The following ITGA2 variants were observed in gnomAD, a reference collection of about 807,000 sequenced individuals.
ITGA2 encodes integrin subunit alpha 2.
A neutral mutation model predicts 146.3 loss-of-function variants in ITGA2; 101 were observed. The ratio of observed to expected loss-of-function variants is 0.69; its 90% CI spans 0.59 to 0.81. The LOEUF is 0.81. Ranked by LOEUF, ITGA2 falls within the 40% of genes least tolerant of loss-of-function variation. The pLI, the probability that ITGA2 is intolerant of heterozygous loss-of-function variation, is 0.00. For missense variants in ITGA2, 1,281 were observed against 1,402.7 expected (o/e 0.91, Z 1.39); for synonymous variants, 477 against 487.1 (o/e 0.98, Z 0.27).
chr5:53,037,877 GC>G (rs1743565047), intron 2 of ITGA2, among the ~76,000 whole-genome samples: 1 of 152,184 alleles, frequency 6.6e-6, no homozygotes, highest in African/African-American at 2.4e-5. Flanking sequence ...GTTTAAGATA[GC>G]ATAATACTGT....
At chr5:53,088,602 C>T (rs906769948) in intron 28 of ITGA2, among the ~76,000 whole-genome samples, 1 of 149,142 alleles carries the variant, frequency 6.7e-6, no homozygotes, top group African/African-American at 2.5e-5. Context: ...AGGAGAATCG[C>T]TTGAACCTGC....
chr5:53,009,866 C>T (rs896900260), intron 1 of ITGA2, among the ~76,000 whole-genome samples: 3 of 152,118 alleles, frequency 2.0e-5, no homozygotes, highest in African/African-American at 7.2e-5. Context: ...AAGGCTCTCA[C>T]CAGAACTTGA....
At chr5:53,037,186 G>T (rs983883395) in intron 2 of ITGA2, among the ~76,000 whole-genome samples, 2 of 152,206 alleles carry the variant, frequency 1.3e-5, no homozygotes, top group Non-Finnish European at 2.9e-5. Context: ...TAGGCAAATT[G>T]GCTGTGTTTT....
rs1745880445 is a variant in ITGA2 at position 53,080,684 on chromosome 5, G to C, written c.3039+63G>C. On this transcript the variant is annotated intron_variant, in intron 25 of 29. Coordinates refer to ENST00000296585, the MANE Select transcript of ITGA2 (RefSeq NM_002203.4). Reference sequence around the variant, plus strand: ...AAGATGTAAATAACCCATGAGATTAGGGTGATCATGTCTGACATTTTACAG... The same window carrying C: ...AAGATGTAAATAACCCATGAGATTACGGTGATCATGTCTGACATTTTACAG... The C allele has an allele frequency of 2.6e-6, 3 of 1,171,836 alleles. No individual in the cohort carries two copies. The African/African-American group carries it at 4.5e-5, about 18-fold the overall frequency. 72.6% of individuals were successfully genotyped at this position (1,171,836 alleles called of 1,614,324 possible). A position where few individuals can be genotyped will look rare whatever the true frequency, so the allele number is the denominator to read the frequency against.
intron 1 of ITGA2, among the ~76,000 whole-genome samples, chr5:53,015,246 T>A (rs977141098): frequency 2.0e-5 from 3 of 152,178 alleles, no homozygotes; most frequent in Non-Finnish European, 4.4e-5. Context: ...ACTATCAACT[T>A]TCCTCTTAAC....
intron 20 of ITGA2, among the ~76,000 whole-genome samples, chr5:53,074,099 G>A (rs930062499): frequency 4.0e-5 from 6 of 151,788 alleles, no homozygotes; most frequent in Non-Finnish European, 4.4e-5. Context: ...AAAGCTATTC[G>A]TGCATCTGAA....
rs781746767 is a variant in ITGA2, at chr5:53,081,693, A to C, written c.3141A>C (p.Glu1047Asp). The change falls in exon 26 of 30, where the codon GAA becomes GAC. Residue 1047 changes from glutamate to aspartate, a missense_variant. Glu to Asp is a conservative substitution (Grantham distance 45). Coordinates refer to ENST00000296585, the MANE Select transcript of ITGA2 (RefSeq NM_002203.4). ...GTGAAAATTTCAGGCACACCAAAGA[A>C]TTGGTGAGGACAAGTTAACGTGTGA... is the stretch of plus-strand genomic sequence containing the variant. ...FKSENFRHTK[E>D]LNCRTASCSN... is the part of the protein sequence containing the mutation. 1 of 1,600,236 alleles carries C rather than the reference A, an allele frequency of 6.2e-7. No homozygotes were observed. The highest frequency in any genetic ancestry group is 2.2e-5 in the East Asian group (1 of 44,606).
At chr5:53,016,307 T>G (rs1462110050) in intron 1 of ITGA2, among the ~76,000 whole-genome samples, 6 of 152,246 alleles carry the variant, frequency 3.9e-5, no homozygotes, top group African/African-American at 1.4e-4. Context: ...TAGCATTTGC[T>G]TATCTGAAAA....
At position 53,090,838 on chromosome 5, in the gene ITGA2, A is replaced by G. The variant is rs2112054490; in HGVS notation, c.*239A>G. On this transcript the variant is annotated 3_prime_UTR_variant, in exon 30 of 30. Transcript: ENST00000296585. ...ATACCTATTTTATATGATGGGGGAAAAAAAGTAATCTTTAAACTGGCTGGC... is the reference window on the plus strand; with the variant it reads ...ATACCTATTTTATATGATGGGGGAAGAAAAGTAATCTTTAAACTGGCTGGC... The G allele has an allele frequency of 8.3e-6, 5 of 602,460 alleles. No homozygotes were observed. Among genetic ancestry groups the G allele is most frequent in the South Asian group, 8.1e-5 (4 of 49,406 alleles). 37.3% of individuals were successfully genotyped at this position (602,460 alleles called of 1,614,324 possible).
At chr5:53,079,446 T>C (rs1384703766) in intron 24 of ITGA2, among the ~76,000 whole-genome samples, 2 of 152,170 alleles carry the variant, frequency 1.3e-5, no homozygotes, top group Non-Finnish European at 2.9e-5. Flanking sequence ...TTACTATTAG[T>C]AAGCGATTAT....
At chr5:52,996,449 C>T (rs768578491) in intron 1 of ITGA2, among the ~76,000 whole-genome samples, 8 of 151,978 alleles carry the variant, frequency 5.3e-5, no homozygotes, top group Admixed American at 5.2e-4. Context: ...TTAGAAGCTG[C>T]AGGTTATCAT....
At chr5:53,061,849 TCC>T (rs1439211757) in intron 12 of ITGA2, among the ~76,000 whole-genome samples, 1 of 151,930 alleles carries the variant, frequency 6.6e-6, no homozygotes, top group Non-Finnish European at 1.5e-5. Context: ...ATCCTGCTGT[TCC>T]TATGGATTTT....
At chr5:53,074,282 C>A (rs1745546849) in intron 20 of ITGA2, 103 bp from the exon 21 acceptor site, 5 of 861,408 alleles carry the variant, frequency 5.8e-6, no homozygotes, top group South Asian at 1.4e-5. Context: ...TATGAACCAA[C>A]CTTACTGCTA....
At chr5:52,993,455 A>G (rs1741072108) in intron 1 of ITGA2, among the ~76,000 whole-genome samples, 1 of 152,248 alleles carries the variant, frequency 6.6e-6, no homozygotes, top group Non-Finnish European at 1.5e-5. Context: ...CTGCCTCCCC[A>G]CTTTCCTAAG....
chr5:53,008,957 G>A (rs1055144366), intron 1 of ITGA2, among the ~76,000 whole-genome samples: 1 of 152,108 alleles, frequency 6.6e-6, no homozygotes, highest in Non-Finnish European at 1.5e-5. Context: ...ACGAGTATGA[G>A]CATGTGTCTA....
At chr5:52,995,073 G>A (rs1741169158) in intron 1 of ITGA2, among the ~76,000 whole-genome samples, 1 of 152,216 alleles carries the variant, frequency 6.6e-6, no homozygotes, top group Non-Finnish European at 1.5e-5. Context: ...TGGGGCAGAT[G>A]TTTAGGTTCT....
intron 1 of ITGA2, among the ~76,000 whole-genome samples, chr5:53,000,572 C>T (rs1429168045): frequency 6.6e-6 from 1 of 152,140 alleles, no homozygotes; most frequent in African/African-American, 2.4e-5. Context: ...TCCTATATTA[C>T]TGTTTACTAA....
chr5:53,076,187 T>C (rs1462198267), intron 23 of ITGA2, among the ~76,000 whole-genome samples: 1 of 152,016 alleles, frequency 6.6e-6, no homozygotes, highest in African/African-American at 2.4e-5. Flanking sequence ...CAGAGTTCTC[T>C]ACCTGGTGAA....
At chr5:53,004,363 C>G (rs1032972876) in intron 1 of ITGA2, among the ~76,000 whole-genome samples, 3 of 151,790 alleles carry the variant, frequency 2.0e-5, no homozygotes, top group African/African-American at 7.3e-5. Context: ...TTGGGAAGAT[C>G]GAAGGGGATT....
Sources: allele counts gnomAD v4.1 joint callset (sites outside exome capture counted in the v4.1 genomes callset), GRCh38; gene constraint gnomAD v4.1.1; transcripts MANE v1.5; gene names NCBI Gene and HGNC (gene_info 2026-07-23, HGNC 2026-07-21).